The following FRMPD4 variants were observed in gnomAD, a reference collection of about 807,000 sequenced individuals.
The protein encoded by FRMPD4 is FERM and PDZ domain-containing protein 4.
Under a neutral mutation model 94.1 loss-of-function variants are expected in FRMPD4, and 22 were observed. The ratio of observed to expected loss-of-function variants is 0.23; its 90% CI spans 0.17 to 0.33. The LOEUF is 0.33. Ranked by LOEUF, FRMPD4 falls within the 10% of genes least tolerant of loss-of-function variation. The probability of loss-of-function intolerance (pLI) is 1.00; values close to 1 mark genes in which losing one functional copy is unlikely to be tolerated. For synonymous variants in FRMPD4, 631 were observed against 548.6 expected (o/e 1.15, Z -2.10); for missense variants, 1,111 against 1,339.9 (o/e 0.83, Z 2.67).
chrX:12,021,163 T>C (rs758554710), intron 3 of FRMPD4, among the ~76,000 whole-genome samples: 1 of 112,116 alleles, frequency 8.9e-6, no homozygotes, highest in South Asian at 3.7e-4. Context: ...AGAGGTATTT[T>C]GCTGAGTCTG....
intron 1 of FRMPD4, among the ~76,000 whole-genome samples, chrX:12,243,049 A>T (rs1413729244): frequency 8.9e-6 from 1 of 112,009 alleles, no homozygotes; most frequent in Non-Finnish European, 1.9e-5. Flanking sequence ...CCAGCTAATT[A>T]AAAAAAATCT....
intron 3 of FRMPD4, among the ~76,000 whole-genome samples, chrX:11,881,088 C>A (rs1329201717): frequency 8.9e-6 from 1 of 112,355 alleles, no homozygotes; most frequent in Non-Finnish European, 1.9e-5. Context: ...AGATGCCGTG[C>A]CACACCTATG....
chrX:12,595,132 T>C (rs1425050919), intron 2 of FRMPD4, among the ~76,000 whole-genome samples: 2 of 111,962 alleles, frequency 1.8e-5, no homozygotes, highest in African/African-American at 6.5e-5. Flanking sequence ...CAAATCCAAC[T>C]GAAAGGTTAG....
chrX:12,715,383 C>G (rs2042060253), intron 14 of FRMPD4, among the ~76,000 whole-genome samples: 1 of 111,811 alleles, frequency 8.9e-6, no homozygotes, highest in South Asian at 3.8e-4. Flanking sequence ...AAGTACGTTA[C>G]CTGTGACCAT....
At chrX:12,086,505 A>T (rs371265272) in intron 3 of FRMPD4, among the ~76,000 whole-genome samples, 1 of 111,922 alleles carries the variant, frequency 8.9e-6, no homozygotes, top group Admixed American at 9.5e-5. Context: ...TTAATGTTTA[A>T]TCTATCAGAG....
At chrX:12,473,116 C>T (rs770988378) in intron 1 of FRMPD4, among the ~76,000 whole-genome samples, 11,758 of 107,825 alleles carry the variant, frequency 0.11, 644 homozygotes, top group Non-Finnish European at 0.15. Context: ...GCTGATCTCT[C>T]GGCAGAAACT....
chrX:12,288,481 G>A (rs2054634254), intron 1 of FRMPD4, among the ~76,000 whole-genome samples: 1 of 111,504 alleles, frequency 9.0e-6, no homozygotes. Context: ...TAGTTTTGGT[G>A]TGTCTATCTT....
chrX:11,965,120 G>A (rs1427564101), intron 3 of FRMPD4, among the ~76,000 whole-genome samples: 4 of 112,599 alleles, frequency 3.6e-5, no homozygotes, highest in African/African-American at 9.7e-5. Context: ...TGATCCATCT[G>A]CTATCTTAAT....
At chrX:12,255,404 G>A (rs1372010343) in intron 1 of FRMPD4, among the ~76,000 whole-genome samples, 1 of 111,740 alleles carries the variant, frequency 8.9e-6, no homozygotes, top group Non-Finnish European at 1.9e-5. Context: ...AGGGTGATAG[G>A]AGAAGGGTTG....
intron 1 of FRMPD4, among the ~76,000 whole-genome samples, chrX:12,189,426 G>A (rs1001434428): frequency 9.0e-6 from 1 of 110,906 alleles, no homozygotes; most frequent in Non-Finnish European, 1.9e-5. Context: ...TTATGAGGCC[G>A]GCAGTACTCT....
chrX:12,050,539 A>C (rs1433032203), intron 3 of FRMPD4, among the ~76,000 whole-genome samples: 1 of 111,988 alleles, frequency 8.9e-6, no homozygotes, highest in Admixed American at 9.5e-5. Flanking sequence ...CCCTGTTGTT[A>C]AGCAACACAT....
chrX:12,182,478 T>A (rs1398725807), intron 1 of FRMPD4, among the ~76,000 whole-genome samples: 1 of 111,044 alleles, frequency 9.0e-6, no homozygotes, highest in Non-Finnish European at 1.9e-5. Context: ...TTTAATGCAC[T>A]GAGGAATGTT....
At chrX:12,075,210 A>T (rs888853518) in intron 3 of FRMPD4, among the ~76,000 whole-genome samples, 2 of 111,852 alleles carry the variant, frequency 1.8e-5, no homozygotes, top group Admixed American at 1.9e-4. Context: ...ATTTGTCTAA[A>T]CCAATCTAAT....
At chrX:11,978,919 C>G (rs923169592) in intron 3 of FRMPD4, among the ~76,000 whole-genome samples, 3 of 111,373 alleles carry the variant, frequency 2.7e-5, no homozygotes, top group Non-Finnish European at 5.7e-5. Context: ...TTGTTTATGC[C>G]CATAATACCT....
At chrX:11,952,744 G>T (rs5979498) in intron 3 of FRMPD4, among the ~76,000 whole-genome samples, 2 of 111,750 alleles carry the variant, frequency 1.8e-5, no homozygotes, top group Non-Finnish European at 3.8e-5. Flanking sequence ...ACCTTCCTTG[G>T]CAATGGCTGC....
At chrX:12,089,040 G>A (rs1435747805) in intron 3 of FRMPD4, among the ~76,000 whole-genome samples, 1 of 112,043 alleles carries the variant, frequency 8.9e-6, no homozygotes, top group African/African-American at 3.2e-5. Flanking sequence ...TACTATATAT[G>A]CTATATATAA....
In FRMPD4 at chrX:12,628,066, G is replaced by A. The variant is rs183292237; in HGVS notation, c.422+13185G>A. 3.3e-3 allele frequency among the ~76,000 whole-genome samples: 374 copies of A among 111,668 alleles called. 3 individuals are homozygous for A. Among genetic ancestry groups the A allele is most frequent in the Non-Finnish European group, 5.2e-3 (277 of 53,110 alleles). On this transcript the variant is annotated intron_variant, in intron 4 of 16. Coordinates refer to ENST00000675598, the MANE Select transcript of FRMPD4 (RefSeq NM_001368397.1). ...ATAAACCTTATTGCCTAGAGAGAAC[G>A]GAGAGCTGTAGGAGCTTACAGCGAA...
chrX:12,605,501 T>G (rs2059123561), intron 2 of FRMPD4, among the ~76,000 whole-genome samples: 1 of 111,562 alleles, frequency 9.0e-6, no homozygotes, highest in Non-Finnish European at 1.9e-5. Context: ...CAGTACCCTC[T>G]CCTGTCATCA....
At chrX:12,426,638 C>T (rs1013008633) in intron 1 of FRMPD4, among the ~76,000 whole-genome samples, 6 of 111,226 alleles carry the variant, frequency 5.4e-5, no homozygotes, top group African/African-American at 2.0e-4. Flanking sequence ...CCAAACAAAA[C>T]AAACAAAAAC....
Sources: gnomAD v4.1 joint callset for allele counts (sites outside exome capture counted in the v4.1 genomes callset) on GRCh38, gnomAD v4.1.1 for gene constraint, MANE v1.5 for transcripts, NCBI Gene and HGNC (gene_info 2026-07-23, HGNC 2026-07-21) for gene names.